Variants in SV2C observed in about 807,000 individuals in gnomAD.
SV2C encodes the protein synaptic vesicle glycoprotein 2C.
SV2C carries 49 observed loss-of-function variants against 79.7 expected under a neutral mutation model. That is an observed-to-expected ratio of 0.61 (90% CI 0.49 to 0.78). The LOEUF (loss-of-function observed/expected upper bound fraction) is 0.78, where lower values mean the gene tolerates loss of function less well. Among genes scored for constraint, SV2C ranks in the 30% least tolerant of loss-of-function variants. The pLI, the probability that SV2C is intolerant of heterozygous loss-of-function variation, is 0.00. For synonymous variants in SV2C, 334 were observed against 333.2 expected (o/e 1.00, Z -0.03); for missense variants, 833 against 912.9 (o/e 0.91, Z 1.13).
intron 2 of SV2C, among the ~76,000 whole-genome samples, chr5:76,193,780 G>C (rs941617607): frequency 6.6e-6 from 1 of 152,130 alleles, no homozygotes; most frequent in African/African-American, 2.4e-5. Context: ...GCCACTTACT[G>C]TCTGTTAGAT....
rs115224254 is a variant in SV2C at position 76,281,291 on chromosome 5, C to G, written c.914-3871C>G. 2,773 of 486,248 alleles carry G rather than the reference C, an allele frequency of 5.7e-3. 80 individuals carry two copies. Among genetic ancestry groups the G allele is most frequent in the African/African-American group, 0.05 (2,484 of 49,512 alleles). 30.1% of individuals were successfully genotyped at this position (486,248 alleles called of 1,614,324 possible). On this transcript the variant is annotated intron_variant, in intron 4 of 12. Coordinates refer to ENST00000502798, the MANE Select transcript of SV2C (RefSeq NM_014979.4). ...TTATTGAACTAAAAGTTTTCATAGA[C>G]TAGAACTTAATGGAACGATTCTAGG...
chr5:75,860,026 C>G, the SV2C span, among the ~76,000 whole-genome samples: 1 of 152,130 alleles, frequency 6.6e-6, no homozygotes, highest in East Asian at 1.9e-4. Flanking sequence ...GTCTTTTAAA[C>G]TCTTATTCTG....
chr5:75,964,163 C>T, the SV2C span, among the ~76,000 whole-genome samples: 139 of 152,108 alleles, frequency 9.1e-4, 1 homozygote, highest in Middle Eastern at 3.4e-3. Context: ...TGGTTTCTGT[C>T]ATGTGTGTTA....
intron 12 of SV2C, among the ~76,000 whole-genome samples, chr5:76,343,102 A>G (rs1413666503): frequency 6.6e-6 from 1 of 152,156 alleles, no homozygotes; most frequent in East Asian, 1.9e-4. Context: ...CTCTCCGTTT[A>G]GGTCAGTGCT....
intron 1 of SV2C, among the ~76,000 whole-genome samples, chr5:76,124,360 T>G (rs751696373): frequency 2.0e-4 from 30 of 152,192 alleles, no homozygotes; most frequent in Non-Finnish European, 2.8e-4. Flanking sequence ...TAGAATCATA[T>G]AGTATTTGTC....
the SV2C span, among the ~76,000 whole-genome samples, chr5:75,956,026 C>T: frequency 4.1e-5 from 6 of 145,602 alleles, no homozygotes; most frequent in Non-Finnish European, 7.6e-5. Context: ...TACCATTTGA[C>T]CCAGCCATCC....
chr5:76,268,019 C>T (rs1431590575), intron 4 of SV2C, among the ~76,000 whole-genome samples: 3 of 152,170 alleles, frequency 2.0e-5, no homozygotes, highest in Non-Finnish European at 4.4e-5. Context: ...GAGGGGAATA[C>T]ATTTTCAACG....
chr5:76,253,795 C>T (rs971619536), intron 4 of SV2C, among the ~76,000 whole-genome samples: 2 of 151,484 alleles, frequency 1.3e-5, no homozygotes, highest in South Asian at 2.1e-4. Context: ...TTAATATCAC[C>T]GAGTCAAAAT....
the SV2C span, among the ~76,000 whole-genome samples, chr5:75,983,494 A>G: frequency 1.3e-5 from 2 of 152,048 alleles, no homozygotes; most frequent in Admixed American, 6.5e-5. Flanking sequence ...AGTGCAGAAG[A>G]TGATAATTGT....
chr5:76,106,969 C>T (rs887125265), intron 1 of SV2C, among the ~76,000 whole-genome samples: 11 of 152,156 alleles, frequency 7.2e-5, no homozygotes. Context: ...GTGCCTGACA[C>T]ACAGCAGTTT....
At chr5:75,954,486 G>A in the SV2C span, among the ~76,000 whole-genome samples, 1 of 151,918 alleles carries the variant, frequency 6.6e-6, no homozygotes, top group Non-Finnish European at 1.5e-5. Context: ...ACTGGCACAA[G>A]ACAGGGATGC....
At chr5:76,074,280 TG>T in the SV2C span, among the ~76,000 whole-genome samples, 2 of 152,218 alleles carry the variant, frequency 1.3e-5, no homozygotes, top group African/African-American at 4.8e-5. Context: ...CAATGCTGTG[TG>T]ATGCGGTTCC....
intron 4 of SV2C, among the ~76,000 whole-genome samples, chr5:76,269,835 C>T (rs1746784827): frequency 6.6e-6 from 1 of 152,200 alleles, no homozygotes. Flanking sequence ...GAATGAAAAA[C>T]TGCTGCATTA....
At chr5:76,082,886 A>G (rs1393496043), upstream of SV2C, among the ~76,000 whole-genome samples, 2 of 152,182 alleles carry the variant, frequency 1.3e-5, no homozygotes, top group Non-Finnish European at 2.9e-5. Flanking sequence ...GAAGTGAACA[A>G]GTCAGTCCCA....
the SV2C span, among the ~76,000 whole-genome samples, chr5:75,937,077 G>A: frequency 6.6e-6 from 1 of 152,092 alleles, no homozygotes; most frequent in East Asian, 1.9e-4. Context: ...CTAAAAGATA[G>A]TAACACTAAT....
At chr5:75,942,829 G>A in the SV2C span, among the ~76,000 whole-genome samples, 1 of 152,112 alleles carries the variant, frequency 6.6e-6, no homozygotes, top group African/African-American at 2.4e-5. Context: ...ATTAAAGGAA[G>A]ATTCATTTGT....
intron 1 of SV2C, among the ~76,000 whole-genome samples, chr5:76,094,587 GTT>G (rs1747487006): frequency 6.6e-6 from 1 of 152,044 alleles, no homozygotes; most frequent in Admixed American, 6.6e-5. Context: ...TGTTTGAGTT[GTT>G]TCCACATTGG....
chr5:75,883,686 G>A, the SV2C span, among the ~76,000 whole-genome samples: 1 of 117,166 alleles, frequency 8.5e-6, no homozygotes, highest in African/African-American at 3.3e-5. Flanking sequence ...GGGGACTGTT[G>A]TGGGGTGGGG....
At chr5:75,950,035 G>A in the SV2C span, among the ~76,000 whole-genome samples, 1 of 152,050 alleles carries the variant, frequency 6.6e-6, no homozygotes, top group Non-Finnish European at 1.5e-5. Flanking sequence ...AGAACCAGGA[G>A]AGGAGAGGAG....
Sources: gnomAD v4.1 joint callset for allele counts (sites outside exome capture counted in the v4.1 genomes callset) on GRCh38, gnomAD v4.1.1 for gene constraint, MANE v1.5 for transcripts, NCBI Gene and HGNC (gene_info 2026-07-23, HGNC 2026-07-21) for gene names.